Variants in PCDH9 observed in about 807,000 individuals in gnomAD.
PCDH9 encodes protocadherin 9, also known as protocadherin-9.
PCDH9 carries 24 observed loss-of-function variants against 70.6 expected under a neutral mutation model. The ratio of observed to expected loss-of-function variants is 0.34; its 90% CI spans 0.25 to 0.48. The LOEUF (loss-of-function observed/expected upper bound fraction) is 0.48. Ranked by LOEUF, PCDH9 falls within the 20% of genes least tolerant of loss-of-function variation. The pLI is 0.99. For missense variants in PCDH9, 1,281 were observed against 1,503.6 expected (o/e 0.85, Z 2.45); for synonymous variants, 562 against 558.5 (o/e 1.01, Z -0.09).
intron 3 of PCDH9, among the ~76,000 whole-genome samples, chr13:66,679,168 T>C (rs1185595124): frequency 6.6e-6 from 1 of 151,756 alleles, no homozygotes; most frequent in Non-Finnish European, 1.5e-5. Flanking sequence ...TTGATCATAC[T>C]GTACATATAA....
chr13:67,174,602 T>C (rs1356072932), intron 2 of PCDH9, among the ~76,000 whole-genome samples: 2 of 152,200 alleles, frequency 1.3e-5, no homozygotes, highest in Non-Finnish European at 2.9e-5. Context: ...TCCAGGTTTC[T>C]TATTTTCTTC....
intron 3 of PCDH9, among the ~76,000 whole-genome samples, chr13:66,798,071 G>A (rs1328239252): frequency 6.6e-6 from 1 of 151,936 alleles, no homozygotes; most frequent in Non-Finnish European, 1.5e-5. Flanking sequence ...GAAAATGACA[G>A]AGGATAAAAA....
At chr13:67,026,504 C>A (rs540158484) in intron 2 of PCDH9, among the ~76,000 whole-genome samples, 18 of 152,182 alleles carry the variant, frequency 1.2e-4, no homozygotes, top group South Asian at 8.3e-4. Flanking sequence ...AAACTGGCAT[C>A]AGACAGGGAT....
chr13:66,672,217 T>C (rs1566495942), intron 3 of PCDH9, among the ~76,000 whole-genome samples: 1 of 152,244 alleles, frequency 6.6e-6, no homozygotes, highest in Non-Finnish European at 1.5e-5. Flanking sequence ...TCTGGAATTA[T>C]ATAGCCTACA....
chr13:66,465,519 ATAC>A (rs1466631253), intron 4 of PCDH9, among the ~76,000 whole-genome samples: 1 of 151,882 alleles, frequency 6.6e-6, no homozygotes, highest in Non-Finnish European at 1.5e-5. Context: ...CAAAATAATT[ATAC>A]TATTAAGGTA....
chr13:67,091,812 C>T (rs998368164), intron 2 of PCDH9, among the ~76,000 whole-genome samples: 22 of 152,120 alleles, frequency 1.4e-4, no homozygotes, highest in African/African-American at 5.3e-4. Flanking sequence ...CTTACAATTT[C>T]CTGATGTTAT....
At chr13:67,043,117 A>G (rs1210347412) in intron 2 of PCDH9, among the ~76,000 whole-genome samples, 2 of 152,230 alleles carry the variant, frequency 1.3e-5, no homozygotes, top group African/African-American at 4.8e-5. Flanking sequence ...AAAATGTCTT[A>G]GATGTCATGC....
At chr13:67,107,330 T>C (rs1174751368) in intron 2 of PCDH9, among the ~76,000 whole-genome samples, 2 of 152,050 alleles carry the variant, frequency 1.3e-5, no homozygotes, top group Non-Finnish European at 2.9e-5. Flanking sequence ...AATGAGATCT[T>C]ATGGTGCTTT....
At chr13:66,393,476 A>G (rs963431849) in intron 4 of PCDH9, among the ~76,000 whole-genome samples, 2 of 152,172 alleles carry the variant, frequency 1.3e-5, no homozygotes, top group African/African-American at 2.4e-5. Flanking sequence ...CAGAAACCCA[A>G]CAACACTGAA....
chr13:66,470,543 T>A (rs189440018), intron 4 of PCDH9, among the ~76,000 whole-genome samples: 16 of 152,114 alleles, frequency 1.1e-4, no homozygotes, highest in African/African-American at 3.9e-4. Context: ...TGGGTCAGTT[T>A]AACTGTGTAG....
chr13:66,580,281 T>C (rs958506828), intron 4 of PCDH9, among the ~76,000 whole-genome samples: 1 of 152,042 alleles, frequency 6.6e-6, no homozygotes, highest in Non-Finnish European at 1.5e-5. Flanking sequence ...ACTATTGGCA[T>C]ATACAACTAT....
At chr13:66,783,124 T>C (rs1378914757) in intron 3 of PCDH9, among the ~76,000 whole-genome samples, 1 of 152,098 alleles carries the variant, frequency 6.6e-6, no homozygotes, top group East Asian at 1.9e-4. Context: ...ATCTAGTACA[T>C]ATCTTCTCGA....
At chr13:66,631,432 C>T (rs1045375468) in intron 3 of PCDH9, 21 bp from the exon 4 acceptor site, 3 of 1,428,574 alleles carry the variant, frequency 2.1e-6, no homozygotes, top group Non-Finnish European at 2.0e-6. Context: ...GACCACAGGA[C>T]ATGCTGATTA....
intron 2 of PCDH9, among the ~76,000 whole-genome samples, chr13:67,180,054 A>G (rs1215161929): frequency 1.3e-5 from 2 of 152,104 alleles, no homozygotes; most frequent in Non-Finnish European, 2.9e-5. Flanking sequence ...CCAAATGACC[A>G]GTAGAAAATA....
chr13:66,414,382 T>C (rs1332593343), intron 4 of PCDH9, among the ~76,000 whole-genome samples: 2 of 152,250 alleles, frequency 1.3e-5, no homozygotes, highest in African/African-American at 4.8e-5. Context: ...TTACATAAAA[T>C]TCTCTTGTCT....
In PCDH9 at chr13:66,320,223, T is replaced by C. The variant is rs28538170; in HGVS notation, c.3341-15195A>G. Among the ~76,000 whole-genome samples the C allele has an allele frequency of 9.4e-3, 1,436 of 152,232 alleles. 47 individuals carry two copies. Among genetic ancestry groups the C allele is most frequent in the African/African-American group, 0.032 (1,347 of 41,474 alleles). Reference sequence around the variant, plus strand: ...TGTATTCATTGGAAGTAAAAATTTATGCTGGATTTATAATCGCAGTCTCTG... The same window carrying C: ...TGTATTCATTGGAAGTAAAAATTTACGCTGGATTTATAATCGCAGTCTCTG... On this transcript the variant is annotated intron_variant, in intron 4 of 4. Transcript: ENST00000377865.
intron 2 of PCDH9, among the ~76,000 whole-genome samples, chr13:67,174,008 ATAAT>A (rs1271450447): frequency 6.6e-6 from 1 of 152,196 alleles, no homozygotes; most frequent in African/African-American, 2.4e-5. Context: ...ATTAAAGTTT[ATAAT>A]TAATCTATTC....
At chr13:66,952,614 C>G (rs1012575119) in intron 2 of PCDH9, among the ~76,000 whole-genome samples, 64 of 152,214 alleles carry the variant, frequency 4.2e-4, no homozygotes, top group Non-Finnish European at 7.4e-4. Flanking sequence ...CAGTTATGTG[C>G]TATAACCTCC....
chr13:66,738,012 C>G (rs2079184458), intron 3 of PCDH9, among the ~76,000 whole-genome samples: 1 of 152,192 alleles, frequency 6.6e-6, no homozygotes, highest in Non-Finnish European at 1.5e-5. Context: ...AGGAGGCCTG[C>G]CTGCCTCTGT....
Sources: allele counts gnomAD v4.1 joint callset (sites outside exome capture counted in the v4.1 genomes callset), GRCh38; gene constraint gnomAD v4.1.1; transcripts MANE v1.5; gene names NCBI Gene and HGNC (gene_info 2026-07-23, HGNC 2026-07-21).